DOCK10: variants seen among roughly 807,000 people sequenced by gnomAD.
The protein encoded by DOCK10 is dedicator of cytokinesis protein 10.
DOCK10 carries 145 observed loss-of-function variants against 280.1 expected under a neutral mutation model. The observed-to-expected ratio is 0.52, with a 90% CI of 0.45 to 0.59. The LOEUF (loss-of-function observed/expected upper bound fraction) is 0.59, where lower values mean the gene tolerates loss of function less well. Ranked by LOEUF, DOCK10 falls within the 20% of genes least tolerant of loss-of-function variation. The pLI is 0.00. For missense variants in DOCK10, 2,368 were observed against 2,651.7 expected (o/e 0.89, Z 2.35); for synonymous variants, 915 against 942.2 (o/e 0.97, Z 0.53).
chr2:224,814,478 G>A (rs1693992874), intron 30 of DOCK10, 114 bp from the exon 31 acceptor site: 2 of 501,606 alleles, frequency 4.0e-6, no homozygotes, highest in East Asian at 7.1e-5. Flanking sequence ...TTAAAAATGT[G>A]AGTCTTCAGT....
At chr2:224,916,183 G>A (rs974792831) in intron 3 of DOCK10, among the ~76,000 whole-genome samples, 12 of 152,188 alleles carry the variant, frequency 7.9e-5, no homozygotes, top group Admixed American at 6.5e-4. Flanking sequence ...ATCACTTAAG[G>A]TCAGGAGTTT....
chr2:224,924,564 A>C (rs1423347030), intron 2 of DOCK10, among the ~76,000 whole-genome samples: 1 of 152,202 alleles, frequency 6.6e-6, no homozygotes, highest in Non-Finnish European at 1.5e-5. Context: ...ATGACATTCC[A>C]TTTTATGGAT....
chr2:225,002,640 C>T lies in DOCK10; in HGVS notation c.123+39612G>A, dbSNP rs985045994. 3.3e-5 allele frequency among the ~76,000 whole-genome samples: 5 copies of T among 152,300 alleles called. No individual in the cohort carries two copies. The South Asian group carries it at 1.0e-3, about 32-fold the overall frequency. ...GTGAGACAATGGCCACGCCATGCCA[C>T]GAGGAGCTAGTTGCATGGGCAGGCA... On this transcript the variant is annotated intron_variant, in intron 1 of 55. Coordinates refer to ENST00000258390, the MANE Select transcript of DOCK10 (RefSeq NM_014689.3).
intron 4 of DOCK10, among the ~76,000 whole-genome samples, chr2:224,890,054 A>T (rs1213804418): frequency 1.3e-5 from 2 of 152,218 alleles, no homozygotes; most frequent in African/African-American, 4.8e-5. Flanking sequence ...AATCGGGAAA[A>T]CCAAGGAAGA....
chr2:224,820,752 GA>G (rs1167215788), intron 28 of DOCK10, among the ~76,000 whole-genome samples: 1 of 152,160 alleles, frequency 6.6e-6, no homozygotes, highest in African/African-American at 2.4e-5. Context: ...ACTTTTTAGA[GA>G]CTTGCTTATC....
intron 2 of DOCK10, among the ~76,000 whole-genome samples, chr2:224,929,326 G>A (rs1438956875): frequency 6.6e-6 from 1 of 152,168 alleles, no homozygotes; most frequent in Non-Finnish European, 1.5e-5. Context: ...ATCAAATAAT[G>A]CCCAGTATTC....
Position 224,931,556 on chromosome 2 carries a change from T to C in DOCK10, c.236A>G (p.Asp79Gly). Residue 79 changes from aspartate (D) to glycine (G), a missense_variant, in exon 2 of 56, where the codon GAC becomes GGC. Physicochemically the swap from Asp to Gly is moderately conservative, Grantham distance 94 (BLOSUM62 -1). This residue lies in a region of DOCK10 where 1,209 missense variants were observed against 1,250.9 expected (regional missense o/e 0.97). Coordinates refer to ENST00000258390, the MANE Select transcript of DOCK10 (RefSeq NM_014689.3). ...LQDLLFFPSD[D>G]FSAATVSWDI... ...TGAGAAGAGAAGACTTACTGAAAAG[T>C]CATCACTGGGGAAGAACAAGAGATC... 6.2e-7 allele frequency: 1 copy of C among 1,608,192 alleles called. No individual in the cohort carries two copies. Among genetic ancestry groups the C allele is most frequent in the Non-Finnish European group, 8.5e-7 (1 of 1,177,180 alleles).
In DOCK10 at chr2:224,873,932, A is replaced by G. The variant is rs374879619; in HGVS notation, c.1257+64T>C. On this transcript the variant is annotated intron_variant, in intron 11 of 55. Transcript: ENST00000258390. ...CCTGGAATTAGCAGGAATAGAAAAGATTTTTGACTAGGGTGGTGTAATGTT... is the reference window on the plus strand; with the variant it reads ...CCTGGAATTAGCAGGAATAGAAAAGGTTTTTGACTAGGGTGGTGTAATGTT... 76 of 1,524,284 alleles carry G rather than the reference A, an allele frequency of 5.0e-5. 1 individual carries two copies. In the African/African-American group the frequency reaches 6.3e-4, roughly 13 times the overall value. 94.4% of individuals were successfully genotyped at this position (1,524,284 alleles called of 1,614,324 possible).
chr2:224,883,333 G>A (rs1391050505), intron 7 of DOCK10, among the ~76,000 whole-genome samples: 1 of 152,032 alleles, frequency 6.6e-6, no homozygotes, highest in Non-Finnish European at 1.5e-5. Flanking sequence ...GCATGTCATA[G>A]GCACTAAGTG....
chr2:224,793,523 C>A, intron 45 of DOCK10, 66 bp from the exon 46 acceptor site: 2 of 1,252,242 alleles, frequency 1.6e-6, no homozygotes, highest in Non-Finnish European at 2.3e-6. Flanking sequence ...GCTAATCTTC[C>A]AAGGCGAGTC....
intron 2 of DOCK10, among the ~76,000 whole-genome samples, chr2:224,917,391 C>T (rs1379930623): frequency 6.6e-6 from 1 of 152,050 alleles, no homozygotes. Context: ...TTTATTATTG[C>T]TGCTAAGGCT....
chr2:224,910,025 TGA>T (rs1196642497), intron 3 of DOCK10, among the ~76,000 whole-genome samples: 1 of 152,202 alleles, frequency 6.6e-6, no homozygotes, highest in African/African-American at 2.4e-5. Context: ...TAGAGAGCAG[TGA>T]GAGAAAACTC....
Position 224,852,397 on chromosome 2 carries a change from C to G in DOCK10, c.2122G>C (p.Glu708Gln). 1 of 1,573,108 alleles carries G rather than the reference C, an allele frequency of 6.4e-7. No homozygotes were observed. The highest frequency in any genetic ancestry group is 8.6e-7 in the Non-Finnish European group (1 of 1,158,086). ...VCIEFKNSDE[E>Q]SAKPLKCIYG... ...CTCACCTTCAGGGGCTTGGCACTTT[C>G]TTCATCTGAATTTTTGAATTCAATG... The change falls in exon 18 of 56, where the codon GAA becomes CAA. Residue 708 changes from glutamate to glutamine, a missense_variant. Around this residue, in one of 2 missense-constraint regions of DOCK10, gnomAD observed 1,209 missense variants for 1,250.9 expected, o/e 0.97. Transcript: ENST00000258390.
At position 224,834,133 on chromosome 2, in the gene DOCK10, C is replaced by G. The variant is rs374615370; in HGVS notation, c.2964+17G>C. ...TGCCTAGTACTCACAGTTAAAGGAC[C>G]ATCTTTAAATTCTTACCTTTAGGAC... On this transcript the variant is annotated intron_variant, in intron 26 of 55. Coordinates refer to ENST00000258390, the MANE Select transcript of DOCK10 (RefSeq NM_014689.3). The G allele has an allele frequency of 4.8e-6, 7 of 1,452,346 alleles. No homozygotes were observed. The African/African-American group carries it at 9.8e-5, about 20-fold the overall frequency. 90.0% of individuals were successfully genotyped at this position (1,452,346 alleles called of 1,614,324 possible). A position where few individuals can be genotyped will look rare whatever the true frequency, so the allele number is the denominator to read the frequency against.
intron 1 of DOCK10, among the ~76,000 whole-genome samples, chr2:225,005,724 T>C (rs1174112349): frequency 1.3e-5 from 2 of 152,216 alleles, no homozygotes; most frequent in Non-Finnish European, 2.9e-5. Flanking sequence ...ACTCGGTCTT[T>C]GTGTGAAGGG....
At chr2:224,931,486 A>G in intron 2 of DOCK10, 63 bp downstream of exon 2, 1 of 1,522,610 alleles carries the variant, frequency 6.6e-7, no homozygotes, top group Non-Finnish European at 8.8e-7. Context: ...TCTACAGGGA[A>G]AGACAATGAC....
intron 22 of DOCK10, among the ~76,000 whole-genome samples, chr2:224,844,221 C>A (rs140758576): frequency 2.1e-4 from 32 of 152,310 alleles, no homozygotes; most frequent in African/African-American, 7.2e-4. Flanking sequence ...ACCTCTGCCT[C>A]CCGAGTTCAA....
At chr2:225,039,382 T>C (rs1690352698) in intron 1 of DOCK10, among the ~76,000 whole-genome samples, 1 of 152,246 alleles carries the variant, frequency 6.6e-6, no homozygotes, top group African/African-American at 2.4e-5. Flanking sequence ...TTTCATTTAT[T>C]TTCTATGGGG....
intron 28 of DOCK10, among the ~76,000 whole-genome samples, chr2:224,823,219 C>T (rs1445586881): frequency 1.3e-5 from 2 of 151,918 alleles, no homozygotes; most frequent in African/African-American, 4.8e-5. Flanking sequence ...ATCTCTTGAC[C>T]TCATGATCTG....
Sources: gnomAD v4.1 joint callset for allele counts (sites outside exome capture counted in the v4.1 genomes callset) on GRCh38, gnomAD v4.1.1 for gene constraint, gnomAD v4.1.1 regional missense constraint, MANE v1.5 for transcripts, NCBI Gene and HGNC (gene_info 2026-07-23, HGNC 2026-07-21) for gene names.